DNM3: variants seen among roughly 807,000 people sequenced by gnomAD.
The protein encoded by DNM3 is dynamin-3.
A neutral mutation model predicts 101.6 loss-of-function variants in DNM3; 47 were observed. The ratio of observed to expected loss-of-function variants is 0.46; its 90% CI spans 0.37 to 0.59. The LOEUF (loss-of-function observed/expected upper bound fraction) is 0.59. DNM3 is among the 20% of genes least tolerant of loss of function. DNM3 has a pLI of 0.00. For synonymous variants in DNM3, 385 were observed against 387.9 expected (o/e 0.99, Z 0.09); for missense variants, 849 against 1,085.7 (o/e 0.78, Z 3.06).
At chr1:172,010,682 TTGTGTGTGTGTGTGTGTGTGTGTG>T (rs59701730) in intron 4 of DNM3, among the ~76,000 whole-genome samples, 2 of 112,728 alleles carry the variant, frequency 1.8e-5, no homozygotes, top group African/African-American at 6.7e-5. Context: ...TTGGTATGTT[TTGTGTGTGTGTGTGTGTGTGTGTG>T]TGTGTGTGTG....
At chr1:172,365,218 G>T (rs1322160976) in intron 17 of DNM3, among the ~76,000 whole-genome samples, 1 of 151,714 alleles carries the variant, frequency 6.6e-6, no homozygotes, top group African/African-American at 2.4e-5. Context: ...TTTTCTAAGG[G>T]TTCTTATCTT....
chr1:172,029,172 C>T (rs1183157529), intron 4 of DNM3, among the ~76,000 whole-genome samples: 1 of 152,158 alleles, frequency 6.6e-6, no homozygotes, highest in Non-Finnish European at 1.5e-5. Flanking sequence ...AAAATACTGG[C>T]AAATCTAATA....
chr1:172,304,218 A>AAAAAAAAAAAAAAAAAAAAAC (rs1182798546), intron 15 of DNM3, among the ~76,000 whole-genome samples: 26 of 135,084 alleles, frequency 1.9e-4, no homozygotes, highest in African/African-American at 8.7e-4. Flanking sequence ...AAAAAAAAAA[A>AAAAAAAAAAAAAAAAAAAAAC]AAAACAGGAG....
chr1:172,354,329 G>A (rs2067344149), intron 17 of DNM3, among the ~76,000 whole-genome samples: 1 of 152,006 alleles, frequency 6.6e-6, no homozygotes, highest in Non-Finnish European at 1.5e-5. Context: ...AAAGTGAGAG[G>A]GGTTCCTGTT....
chr1:172,367,335 G>A (rs1418065668), intron 17 of DNM3, among the ~76,000 whole-genome samples: 26 of 151,770 alleles, frequency 1.7e-4, no homozygotes. Flanking sequence ...CACTAGACCA[G>A]CATTACAAAA....
At position 171,963,639 on chromosome 1, in the gene DNM3, C is replaced by G. The variant is rs544158230; in HGVS notation, c.236-24017C>G. On this transcript the variant is annotated intron_variant, in intron 2 of 20. Transcript: ENST00000627582. ...GCAGGAGGTGGGATATATGGGAACT[C>G]TGTACTTTCTGGTCAATTTCTCTGT... 2.6e-5 allele frequency among the ~76,000 whole-genome samples: 4 copies of G among 152,092 alleles called. No individual in the cohort carries two copies. The South Asian group carries it at 8.3e-4, about 32-fold the overall frequency.
chr1:172,100,505 T>G (rs1255461343), intron 13 of DNM3, among the ~76,000 whole-genome samples: 1 of 152,184 alleles, frequency 6.6e-6, no homozygotes, highest in East Asian at 1.9e-4. Flanking sequence ...TAACAAAGAT[T>G]GCCAACATCC....
chr1:171,899,361 A>T (rs893331619), intron 1 of DNM3, among the ~76,000 whole-genome samples: 3 of 152,204 alleles, frequency 2.0e-5, no homozygotes, highest in African/African-American at 4.8e-5. Flanking sequence ...CCTCTAAAGA[A>T]TCCTAGGTAA....
intron 2 of DNM3, among the ~76,000 whole-genome samples, chr1:171,924,723 G>T (rs1558273630): frequency 6.6e-6 from 1 of 152,048 alleles, no homozygotes. Flanking sequence ...ATTTGGGTGG[G>T]GACACAAAGC....
At chr1:171,911,382 G>A (rs2039290675) in intron 1 of DNM3, among the ~76,000 whole-genome samples, 1 of 146,882 alleles carries the variant, frequency 6.8e-6, no homozygotes, top group South Asian at 2.1e-4. Flanking sequence ...CCGGGTTCAA[G>A]TGATTCTCCT....
At chr1:172,298,872 AG>A (rs1370515525) in intron 15 of DNM3, among the ~76,000 whole-genome samples, 9 of 144,792 alleles carry the variant, frequency 6.2e-5, no homozygotes, top group African/African-American at 2.0e-4. Context: ...AGAGAGAGAG[AG>A]AGAAAGACAG....
At chr1:172,118,245 T>C (rs1389400558) in intron 13 of DNM3, among the ~76,000 whole-genome samples, 2 of 152,182 alleles carry the variant, frequency 1.3e-5, no homozygotes, top group Admixed American at 1.3e-4. Flanking sequence ...AAGGATTGGC[T>C]ACTAACACTT....
intron 14 of DNM3, among the ~76,000 whole-genome samples, chr1:172,145,510 A>C (rs1302373393): frequency 6.6e-6 from 1 of 152,004 alleles, no homozygotes; most frequent in African/African-American, 2.4e-5. Flanking sequence ...CAACTTCCTG[A>C]AAGTGAAGCC....
chr1:171,843,455 T>C (rs969351300), intron 1 of DNM3, among the ~76,000 whole-genome samples: 1 of 152,242 alleles, frequency 6.6e-6, no homozygotes. Context: ...AACATATTTT[T>C]GGCTTTCCAA....
chr1:172,208,678 T>A (rs893996921), intron 14 of DNM3, among the ~76,000 whole-genome samples: 1 of 152,072 alleles, frequency 6.6e-6, no homozygotes, highest in African/African-American at 2.4e-5. Context: ...AAAGCTCCAA[T>A]AGGGTACAGG....
chr1:172,280,870 G>A (rs1443532170), intron 15 of DNM3, among the ~76,000 whole-genome samples: 1 of 152,130 alleles, frequency 6.6e-6, no homozygotes, highest in Non-Finnish European at 1.5e-5. Flanking sequence ...TTCAAGCCAA[G>A]CATCAATAAT....
chr1:172,318,130 C>A, intron 16 of DNM3, among the ~76,000 whole-genome samples: 1 of 152,096 alleles, frequency 6.6e-6, no homozygotes, highest in Non-Finnish European at 1.5e-5. Flanking sequence ...GAACCAAAGA[C>A]AAAAGCACAT....
chr1:172,114,658 T>C (rs1558591220), intron 13 of DNM3, among the ~76,000 whole-genome samples: 2 of 152,182 alleles, frequency 1.3e-5, no homozygotes, highest in African/African-American at 2.4e-5. Flanking sequence ...TTACAAGTAC[T>C]GTTTAGTGCT....
chr1:171,896,141 T>A (rs1256270968), intron 1 of DNM3, among the ~76,000 whole-genome samples: 2 of 152,184 alleles, frequency 1.3e-5, no homozygotes, highest in Non-Finnish European at 2.9e-5. Flanking sequence ...TGGTTCCATA[T>A]GAACTTTAAA....
Sources: gnomAD v4.1 joint callset for allele counts (sites outside exome capture counted in the v4.1 genomes callset) on GRCh38, gnomAD v4.1.1 for gene constraint, MANE v1.5 for transcripts, NCBI Gene and HGNC (gene_info 2026-07-23, HGNC 2026-07-21) for gene names.